MVB12A: variants seen among roughly 807,000 people sequenced by gnomAD.
MVB12A encodes the protein multivesicular body subunit 12A.
Under a neutral mutation model 34.3 loss-of-function variants are expected in MVB12A, and 30 were observed. The observed-to-expected ratio is 0.88, with a 90% CI of 0.65 to 1.19. MVB12A has a LOEUF of 1.19. Ranked by LOEUF, MVB12A falls within the 50% of genes most tolerant of loss-of-function variation. The pLI is 0.00. For synonymous variants in MVB12A, 158 were observed against 158.9 expected (o/e 0.99, Z 0.04); for missense variants, 355 against 369.2 (o/e 0.96, Z 0.31).
chr19:17,409,377 C>T (rs1223730874), intron 2 of MVB12A, among the ~76,000 whole-genome samples: 8 of 151,468 alleles, frequency 5.3e-5, no homozygotes, highest in Admixed American at 1.3e-4. Context: ...GGGATCCACC[C>T]GACTTGGCCT....
intron 2 of MVB12A, among the ~76,000 whole-genome samples, chr19:17,410,790 G>A (rs1231383774): frequency 2.1e-5 from 3 of 144,726 alleles, no homozygotes; most frequent in South Asian, 2.2e-4. Flanking sequence ...CTAGCCAGGC[G>A]TAGTGGCAGG....
chr19:17,407,819 C>A (rs2074738931), intron 2 of MVB12A, among the ~76,000 whole-genome samples: 1 of 152,220 alleles, frequency 6.6e-6, no homozygotes, highest in Non-Finnish European at 1.5e-5. Flanking sequence ...GAAAAGGAGC[C>A]TCCCTTTCCC....
intron 2 of MVB12A, among the ~76,000 whole-genome samples, chr19:17,410,549 TACACAC>T (rs2074761310): frequency 8.7e-6 from 1 of 115,426 alleles, no homozygotes; most frequent in Non-Finnish European, 1.7e-5. Flanking sequence ...CATATATATA[TACACAC>T]ACATATATAT....
chr19:17,410,033 A>T (rs909231161), intron 2 of MVB12A, among the ~76,000 whole-genome samples: 2 of 152,036 alleles, frequency 1.3e-5, no homozygotes, highest in African/African-American at 4.8e-5. Flanking sequence ...CTGCGATTAC[A>T]GCCATGAGCC....
At position 17,421,372 on chromosome 19, in the gene MVB12A, C is replaced by T. The variant is rs191349418; in HGVS notation, c.286+738C>T. Among the ~76,000 whole-genome samples, 537 of 151,718 alleles carry T rather than the reference C, an allele frequency of 3.5e-3. 4 individuals are homozygous for T. Among genetic ancestry groups the T allele is most frequent in the African/African-American group, 0.012 (501 of 41,398 alleles). On this transcript the variant is annotated intron_variant, in intron 3 of 8. Coordinates refer to ENST00000317040, the MANE Select transcript of MVB12A (RefSeq NM_138401.4). ...GCTAATTTTGTATTTTTAGTAGAGA[C>T]GGGGTTTCTCCATGTTGGTCAGGCT...
In MVB12A at chr19:17,425,248, C is replaced by CTT. The variant is rs2074864999; in HGVS notation, c.*257_*258dup. ...GCTGGAGCTGGACAGAAGCCAGTGC[C>CTT]TTTAAGTCATTTGTGTCAAAACCCT... On this transcript the variant is annotated 3_prime_UTR_variant, in exon 9 of 9. Coordinates refer to ENST00000317040, the MANE Select transcript of MVB12A (RefSeq NM_138401.4). The CTT allele has an allele frequency of 4.9e-5, 24 of 491,610 alleles. No individual in the cohort carries two copies. The South Asian group carries it at 8.0e-4, about 16-fold the overall frequency. 30.5% of individuals were successfully genotyped at this position (491,610 alleles called of 1,614,324 possible).
intron 2 of MVB12A, among the ~76,000 whole-genome samples, chr19:17,410,587 T>C (rs1409387995): frequency 9.0e-5 from 12 of 133,536 alleles, no homozygotes; most frequent in African/African-American, 1.2e-4. Flanking sequence ...CATATATATA[T>C]ACACACATAT....
intron 8 of MVB12A, 86 bp from the exon 9 acceptor site, chr19:17,424,845 A>T: frequency 8.5e-7 from 1 of 1,173,292 alleles, no homozygotes; most frequent in Non-Finnish European, 1.2e-6. Flanking sequence ...GTCCCTAAGT[A>T]CCCACTCTGC....
At chr19:17,412,479 C>G (rs2074775434) in intron 2 of MVB12A, among the ~76,000 whole-genome samples, 1 of 152,040 alleles carries the variant, frequency 6.6e-6, no homozygotes, top group South Asian at 2.1e-4. Flanking sequence ...GTTGGCCAGG[C>G]TGGTCTCAAA....
upstream of MVB12A, chr19:17,418,703 TTATAG>T (rs1568390224): frequency 6.6e-6 from 1 of 151,842 alleles, no homozygotes; most frequent in African/African-American, 2.4e-5. Context: ...AAGCATATTA[TTATAG>T]TAAATACTTT....
At chr19:17,407,286 G>A (rs1202837991) in intron 2 of MVB12A, among the ~76,000 whole-genome samples, 1 of 152,104 alleles carries the variant, frequency 6.6e-6, no homozygotes, top group African/African-American at 2.4e-5. Flanking sequence ...CCCTGTGTGC[G>A]GCGACGAGAG....
chr19:17,418,833 G>A (rs530609188), upstream of MVB12A: 1 of 139,642 alleles, frequency 7.2e-6, no homozygotes, highest in African/African-American at 2.7e-5. Context: ...TTACCCTGTT[G>A]CCATGACAGC....
At chr19:17,410,611 T>C (rs1437630051) in intron 2 of MVB12A, among the ~76,000 whole-genome samples, 1 of 143,924 alleles carries the variant, frequency 6.9e-6, no homozygotes, top group Non-Finnish European at 1.5e-5. Context: ...TATACACATA[T>C]ATATATATAA....
intron 3 of MVB12A, 43 bp downstream of exon 3, chr19:17,420,677 A>G (rs1188988594): frequency 2.1e-6 from 3 of 1,443,732 alleles, no homozygotes; most frequent in Non-Finnish European, 2.9e-6. Context: ...GGTCCCTTGC[A>G]GGGAGGAGCG....
chr19:17,405,846 T>G (rs1196516631), intron 1 of MVB12A: 4 of 371,186 alleles, frequency 1.1e-5, no homozygotes, highest in Non-Finnish European at 2.0e-5. Context: ...TGTGGCTGCC[T>G]GGGACACTCC....
chr19:17,417,636 T>A (rs6512190), upstream of MVB12A: 137,819 of 151,248 alleles, frequency 0.91, 63,221 homozygotes, highest in Non-Finnish European at 0.96. Context: ...AAATAAATTT[T>A]AAAAAATAAA....
chr19:17,405,787 A>C (rs371253847), intron 1 of MVB12A: 1 of 484,774 alleles, frequency 2.1e-6, no homozygotes, highest in South Asian at 2.6e-5. Flanking sequence ...CTTTTTTTTC[A>C]CCCTGCTTTA....
At chr19:17,416,472 GA>G (rs1451471838), upstream of MVB12A, among the ~76,000 whole-genome samples, 1 of 147,096 alleles carries the variant, frequency 6.8e-6, no homozygotes, top group Non-Finnish European at 1.5e-5. Context: ...CTGGAGTGCA[GA>G]GGCACCATTT....
At chr19:17,410,952 CATTTTATTTT>C (rs963879062) in intron 2 of MVB12A, among the ~76,000 whole-genome samples, 2 of 139,118 alleles carry the variant, frequency 1.4e-5, no homozygotes, top group Non-Finnish European at 3.1e-5. Flanking sequence ...AGAAAAGAAA[CATTTTATTTT>C]ATTTTATTTT....
Sources: allele counts gnomAD v4.1 joint callset (sites outside exome capture counted in the v4.1 genomes callset), GRCh38; gene constraint gnomAD v4.1.1; transcripts MANE v1.5; gene names NCBI Gene and HGNC (gene_info 2026-07-23, HGNC 2026-07-21).